CALN1: variants seen among roughly 807,000 people sequenced by gnomAD.
CALN1 encodes the protein calneuron 1.
In CALN1, 17 loss-of-function variants were observed where a neutral mutation model predicts 30.6. The observed-to-expected ratio is 0.56, with a 90% CI of 0.38 to 0.83. The LOEUF (loss-of-function observed/expected upper bound fraction) is 0.83, where lower values mean the gene tolerates loss of function less well. Ranked by LOEUF, CALN1 falls within the 40% of genes least tolerant of loss-of-function variation. The pLI, the probability that CALN1 is intolerant of heterozygous loss-of-function variation, is 0.00. For synonymous variants in CALN1, 156 were observed against 131.4 expected, an observed-to-expected ratio of 1.19 and a Z score of -1.28; for missense variants, 291 against 354.9, an observed-to-expected ratio of 0.82 and a Z score of 1.45.
chr7:72,224,167 C>T (rs898192562), intron 3 of CALN1, among the ~76,000 whole-genome samples: 3 of 151,936 alleles, frequency 2.0e-5, no homozygotes, highest in Non-Finnish European at 4.4e-5. Flanking sequence ...TATGTACCCC[C>T]TTGAATCTAA....
chr7:71,841,554 T>C (rs1023333208), intron 5 of CALN1, among the ~76,000 whole-genome samples: 1 of 152,210 alleles, frequency 6.6e-6, no homozygotes, highest in East Asian at 1.9e-4. Flanking sequence ...CTCACACTTG[T>C]ATGTTCATTG....
upstream of CALN1, among the ~76,000 whole-genome samples, chr7:72,447,478 G>T (rs761372634): frequency 8.5e-5 from 13 of 152,150 alleles, no homozygotes; most frequent in Non-Finnish European, 1.6e-4. Flanking sequence ...CTTCCAGACC[G>T]AGGGAAAGAG....
intron 3 of CALN1, among the ~76,000 whole-genome samples, chr7:72,107,957 A>G (rs1807297402): frequency 6.6e-6 from 1 of 152,172 alleles, no homozygotes; most frequent in South Asian, 2.1e-4. Context: ...ACCGCACTGA[A>G]TATCTGACCA....
chr7:72,399,980 C>A (rs969198562), intron 2 of CALN1, among the ~76,000 whole-genome samples: 1 of 152,168 alleles, frequency 6.6e-6, no homozygotes, highest in South Asian at 2.1e-4. Context: ...GCCTGCTCCC[C>A]CTTTGCGTTC....
At chr7:72,305,180 C>A (rs529470546) in intron 2 of CALN1, among the ~76,000 whole-genome samples, 120 of 152,314 alleles carry the variant, frequency 7.9e-4, no homozygotes, top group African/African-American at 2.8e-3. Flanking sequence ...TTGATTGGGA[C>A]TGGCCCCCAG....
intron 5 of CALN1, among the ~76,000 whole-genome samples, chr7:71,885,655 G>C (rs970720055): frequency 6.6e-6 from 1 of 152,148 alleles, no homozygotes; most frequent in Non-Finnish European, 1.5e-5. Context: ...CTTTCTTTTG[G>C]GAGTGAGTTC....
chr7:72,487,863 A>AG, the CALN1 span, among the ~76,000 whole-genome samples: 9 of 72,938 alleles, frequency 1.2e-4, no homozygotes, highest in African/African-American at 8.1e-4. Flanking sequence ...AGAGAAAGAA[A>AG]GAAAGAAAGA....
At chr7:72,182,455 C>G (rs1330014200) in intron 3 of CALN1, among the ~76,000 whole-genome samples, 2 of 152,118 alleles carry the variant, frequency 1.3e-5, no homozygotes, top group Non-Finnish European at 2.9e-5. Context: ...TGCAGTAGTT[C>G]AAACCTATAA....
intron 2 of CALN1, among the ~76,000 whole-genome samples, chr7:72,341,410 C>G (rs1263133022): frequency 6.6e-6 from 1 of 152,162 alleles, no homozygotes; most frequent in African/African-American, 2.4e-5. Flanking sequence ...GTAATCCCAG[C>G]TACTTTGGAG....
intron 2 of CALN1, among the ~76,000 whole-genome samples, chr7:72,380,260 T>C (rs1804804816): frequency 6.6e-6 from 1 of 152,026 alleles, no homozygotes; most frequent in South Asian, 2.1e-4. Context: ...AGAGTAAACA[T>C]GGGGCCTATG....
intron 2 of CALN1, among the ~76,000 whole-genome samples, chr7:72,330,969 T>TC (rs1434191597): frequency 6.6e-6 from 1 of 152,126 alleles, no homozygotes; most frequent in East Asian, 1.9e-4. Context: ...CAATTAATAA[T>TC]CCTGCCAATT....
chr7:72,237,185 A>G (rs1327226287), intron 3 of CALN1, among the ~76,000 whole-genome samples: 3 of 151,938 alleles, frequency 2.0e-5, no homozygotes, highest in Non-Finnish European at 4.4e-5. Context: ...CGTTTCACCA[A>G]GTTAGCCAGG....
intron 3 of CALN1, among the ~76,000 whole-genome samples, chr7:72,229,300 A>G (rs1047772139): frequency 6.6e-6 from 1 of 152,004 alleles, no homozygotes; most frequent in Non-Finnish European, 1.5e-5. Context: ...GGTGAGCCCA[A>G]TGTAATCACA....
intron 5 of CALN1, among the ~76,000 whole-genome samples, chr7:71,956,953 C>T (rs919189351): frequency 5.9e-5 from 9 of 152,128 alleles, no homozygotes; most frequent in Admixed American, 5.9e-4. Context: ...CCACCTTGGC[C>T]TCCCAAAGTG....
intron 2 of CALN1, among the ~76,000 whole-genome samples, chr7:72,329,887 G>C (rs1032365440): frequency 2.0e-5 from 3 of 152,222 alleles, no homozygotes; most frequent in Admixed American, 6.5e-5. Flanking sequence ...CCTGGAGGCA[G>C]AGCTTGCAGT....
At chr7:72,407,832 G>C (rs1411919325) in intron 1 of CALN1, among the ~76,000 whole-genome samples, 2 of 152,118 alleles carry the variant, frequency 1.3e-5, no homozygotes, top group Non-Finnish European at 2.9e-5. Flanking sequence ...TGGGATGTGT[G>C]GAAATGAATC....
intron 2 of CALN1, among the ~76,000 whole-genome samples, chr7:72,372,895 GGT>G (rs1271872614): frequency 6.6e-6 from 1 of 152,088 alleles, no homozygotes; most frequent in African/African-American, 2.4e-5. Context: ...AATATGTTTG[GGT>G]GAAGGTAACC....
chr7:72,264,496 ATTTT>A (rs34126246), intron 3 of CALN1, among the ~76,000 whole-genome samples: 2 of 147,268 alleles, frequency 1.4e-5, no homozygotes, highest in Admixed American at 6.8e-5. Flanking sequence ...AATAAGCAGG[ATTTT>A]TTTTTTTTTT....
At chr7:72,059,540 T>C (rs1803503471) in intron 4 of CALN1, among the ~76,000 whole-genome samples, 1 of 152,198 alleles carries the variant, frequency 6.6e-6, no homozygotes, top group Admixed American at 6.5e-5. Flanking sequence ...TCTGAAATCT[T>C]GTTAGAAGCA....
Sources: gnomAD v4.1 joint callset for allele counts (sites outside exome capture counted in the v4.1 genomes callset) on GRCh38, gnomAD v4.1.1 for gene constraint, MANE v1.5 for transcripts, NCBI Gene and HGNC (gene_info 2026-07-23, HGNC 2026-07-21) for gene names.